The following PCDH19 variants were observed in gnomAD, a reference collection of about 807,000 sequenced individuals.
PCDH19 encodes the protein protocadherin-19.
A neutral mutation model predicts 46.2 loss-of-function variants in PCDH19; 6 were observed. That is an observed-to-expected ratio of 0.13 (90% CI 0.07 to 0.26). PCDH19 has a LOEUF of 0.26. Ranked by LOEUF, PCDH19 falls within the 10% of genes least tolerant of loss-of-function variation. PCDH19 has a pLI of 1.00. For missense variants in PCDH19, 740 were observed against 972.3 expected, an observed-to-expected ratio of 0.76 and a Z score of 3.18; for synonymous variants, 481 against 415.7, an observed-to-expected ratio of 1.16 and a Z score of -1.91.
intron 3 of PCDH19, among the ~76,000 whole-genome samples, chrX:100,378,923 C>T (rs191929500): frequency 8.9e-6 from 1 of 111,814 alleles, no homozygotes; most frequent in Non-Finnish European, 1.9e-5. Flanking sequence ...CTGCCTCTCA[C>T]GTACCATTCA....
At chrX:100,303,741 T>A (rs1285817839) in intron 5 of PCDH19, among the ~76,000 whole-genome samples, 1 of 111,633 alleles carries the variant, frequency 9.0e-6, no homozygotes, top group African/African-American at 3.3e-5. Context: ...TCTTCCCTTT[T>A]TTTCAGCAAT....
chrX:100,402,428 C>A (rs2147532798), intron 3 of PCDH19, 96 bp downstream of exon 3: 1 of 748,644 alleles, frequency 1.3e-6, no homozygotes, highest in Admixed American at 2.5e-5. Context: ...CCCACCCCTG[C>A]CAGGGGATGT....
chrX:100,333,148 A>AGGAGGGAGGGAG (rs1569294523), intron 5 of PCDH19, among the ~76,000 whole-genome samples: 1 of 51,192 alleles, frequency 2.0e-5, no homozygotes, highest in African/African-American at 6.2e-5. Context: ...GAAGGAAGGA[A>AGGAGGGAGGGAG]GGAAGGAAGG....
chrX:100,358,194 T>C (rs1399996775), intron 3 of PCDH19, among the ~76,000 whole-genome samples: 2 of 112,148 alleles, frequency 1.8e-5, no homozygotes, highest in East Asian at 5.6e-4. Context: ...ATAGTGTTCC[T>C]GAACCCAATT....
intron 5 of PCDH19, among the ~76,000 whole-genome samples, chrX:100,331,849 G>A (rs1925881244): frequency 8.9e-6 from 1 of 112,153 alleles, no homozygotes; most frequent in South Asian, 3.8e-4. Context: ...AGAACTGTGA[G>A]TCAATTAAAC....
intron 1 of PCDH19, among the ~76,000 whole-genome samples, chrX:100,403,986 G>A (rs947759326): frequency 3.6e-5 from 4 of 112,211 alleles, no homozygotes; most frequent in South Asian, 3.7e-4. Context: ...GAAAGACTGT[G>A]CCTTATTCTC....
chrX:100,397,554 C>T (rs1254815857), intron 3 of PCDH19, among the ~76,000 whole-genome samples: 1 of 112,263 alleles, frequency 8.9e-6, no homozygotes, highest in African/African-American at 3.2e-5. Context: ...CCTACTATCA[C>T]TCCCTTACAG....
chrX:100,390,176 G>A (rs1261321872), intron 3 of PCDH19, among the ~76,000 whole-genome samples: 1 of 111,447 alleles, frequency 9.0e-6, no homozygotes, highest in African/African-American at 3.3e-5. Context: ...GTCTCTCTGG[G>A]CTGAATACAG....
Position 100,408,289 on chromosome X carries a change from G to A in PCDH19, c.309C>T (p.Leu103=). 5.0e-6 allele frequency: 6 copies of A among 1,211,500 alleles called. No individual in the cohort carries two copies. Among genetic ancestry groups the A allele is most frequent in the Non-Finnish European group, 6.7e-6 (6 of 895,419 alleles). Residue 103 remains leucine, a synonymous_variant, in exon 1 of 6, where the codon CTC becomes CTT. Transcript: ENST00000373034. ...TTTCCATTGAGCTGGACATGACCTC[G>A]AGCGAGATGATGCACTTGGGGCTCT... ...CRQSPKCIIS[L]EVMSSSMEIC...
chrX:100,335,824 C>A (rs1200206800), intron 5 of PCDH19, among the ~76,000 whole-genome samples: 1 of 111,503 alleles, frequency 9.0e-6, no homozygotes, highest in Non-Finnish European at 1.9e-5. Context: ...TTATTCCTGC[C>A]TAGTATACCA....
chrX:100,408,765 C>A lies in PCDH19; in HGVS notation c.-168G>T. On this transcript the variant is annotated 5_prime_UTR_variant, in exon 1 of 6. Transcript: ENST00000373034. ...GCGGCCCGGCGGCGCGCGGGGGACA[C>A]CCGCGGCGGCTCCAATGCTGAGGTT... The A allele has an allele frequency of 4.3e-6, 1 of 231,582 alleles. No homozygotes were observed. Among genetic ancestry groups the A allele is most frequent in the East Asian group, 8.5e-5 (1 of 11,778 alleles). 19.1% of individuals were successfully genotyped at this position (231,582 alleles called of 1,213,427 possible). A position where few individuals can be genotyped will look rare whatever the true frequency, so the allele number is the denominator to read the frequency against.
intron 3 of PCDH19, among the ~76,000 whole-genome samples, chrX:100,371,876 ACACACACC>A (rs1321080445): frequency 0.041 from 4,479 of 108,237 alleles, 226 homozygotes; most frequent in African/African-American, 0.14. Flanking sequence ...ACACACACAC[ACACACACC>A]CACACAAAAC....
intron 3 of PCDH19, among the ~76,000 whole-genome samples, chrX:100,386,618 G>A (rs1304531632): frequency 9.0e-6 from 1 of 111,038 alleles, no homozygotes; most frequent in African/African-American, 3.3e-5. Context: ...TCAACTTTAA[G>A]CCATCTGAAG....
At chrX:100,354,790 A>T (rs747408789) in intron 3 of PCDH19, among the ~76,000 whole-genome samples, 1 of 111,705 alleles carries the variant, frequency 9.0e-6, no homozygotes, top group Non-Finnish European at 1.9e-5. Context: ...AATGGCAAAC[A>T]ACATGAAACA....
intron 5 of PCDH19, among the ~76,000 whole-genome samples, chrX:100,339,052 A>C (rs1292287767): frequency 8.9e-6 from 1 of 112,367 alleles, no homozygotes. Context: ...CAAACTCCCC[A>C]AAACAAAGGT....
chrX:100,356,364 T>C lies in PCDH19; in HGVS notation c.2617-5660A>G, dbSNP rs192306927. ...GACTTCCAATAATGATAATTGTGCC[T>C]ATTGATCCATAATGAAAAGACACAT... On this transcript the variant is annotated intron_variant, in intron 3 of 5. Transcript: ENST00000373034. Among the ~76,000 whole-genome samples the C allele has an allele frequency of 3.0e-4, 34 of 111,788 alleles. 1 individual carries two copies. Among genetic ancestry groups the C allele is most frequent in the African/African-American group, 1.1e-3 (34 of 30,777 alleles).
At chrX:100,319,621 G>A (rs1019495282) in intron 5 of PCDH19, among the ~76,000 whole-genome samples, 1 of 111,930 alleles carries the variant, frequency 8.9e-6, no homozygotes, top group Non-Finnish European at 1.9e-5. Context: ...CTGAAAGATT[G>A]ATAAATCCTC....
intron 3 of PCDH19, among the ~76,000 whole-genome samples, chrX:100,387,686 C>T (rs761843813): frequency 4.5e-5 from 5 of 111,764 alleles, no homozygotes; most frequent in African/African-American, 6.5e-5. Flanking sequence ...ATGTCTAACA[C>T]TGGTGAGACA....
chrX:100,301,292 T>C (rs1251790633), intron 5 of PCDH19, among the ~76,000 whole-genome samples: 3 of 112,033 alleles, frequency 2.7e-5, no homozygotes. Flanking sequence ...CCAGTCACAA[T>C]GGATGTGTTT....
Sources: gnomAD v4.1 joint callset for allele counts (sites outside exome capture counted in the v4.1 genomes callset) on GRCh38, gnomAD v4.1.1 for gene constraint, MANE v1.5 for transcripts, NCBI Gene and HGNC (gene_info 2026-07-23, HGNC 2026-07-21) for gene names.